The following AP1AR variants were observed in gnomAD, a reference collection of about 807,000 sequenced individuals.
AP1AR encodes AP-1 complex-associated regulatory protein.
AP1AR carries 29 observed loss-of-function variants against 46.3 expected under a neutral mutation model. The ratio of observed to expected loss-of-function variants is 0.63; its 90% CI spans 0.47 to 0.85. AP1AR has a LOEUF of 0.85. Ranked by LOEUF, AP1AR falls within the 40% of genes least tolerant of loss-of-function variation. The probability of loss-of-function intolerance (pLI) is 0.00; values close to 1 mark genes in which losing one functional copy is unlikely to be tolerated. For synonymous variants in AP1AR, 122 were observed against 122.9 expected, an observed-to-expected ratio of 0.99 and a Z score of 0.05; for missense variants, 357 against 356.3, an observed-to-expected ratio of 1.00 and a Z score of -0.02.
rs1291358098 is a variant in AP1AR, at chr4:112,271,135, A to T, written c.*2726A>T. 6.6e-6 allele frequency among the ~76,000 whole-genome samples: 1 copy of T among 152,210 alleles called. No individual in the cohort carries two copies. The highest frequency in any genetic ancestry group is 1.5e-5 in the Non-Finnish European group (1 of 68,032). On this transcript the variant is annotated 3_prime_UTR_variant, in exon 10 of 10. Transcript: ENST00000274000. Reference sequence around the variant, plus strand: ...GTGCCGTGGCTACCTTGCTCACTGCACATAGTCCACGTAGGCAAAACTCAA... The same window carrying T: ...GTGCCGTGGCTACCTTGCTCACTGCTCATAGTCCACGTAGGCAAAACTCAA...
At chr4:112,242,704 CACT>C (rs1725558931) in intron 1 of AP1AR, among the ~76,000 whole-genome samples, 1 of 152,170 alleles carries the variant, frequency 6.6e-6, no homozygotes, top group African/African-American at 2.4e-5. Context: ...AGGGATCCAC[CACT>C]GTTACCTAAA....
At chr4:112,246,612 G>A (rs1375081970) in intron 1 of AP1AR, among the ~76,000 whole-genome samples, 4 of 152,200 alleles carry the variant, frequency 2.6e-5, no homozygotes, top group Admixed American at 2.0e-4. Flanking sequence ...GAAAACCAAG[G>A]TAAATTTAAT....
At chr4:112,253,185 A>G (rs1726034864) in intron 1 of AP1AR, 23 bp from the exon 2 acceptor site, 2 of 1,593,352 alleles carry the variant, frequency 1.3e-6, no homozygotes, top group South Asian at 1.1e-5. Context: ...TGTTTTTTAA[A>G]GTTATTCTGT....
chr4:112,256,791 GAAAAC>G (rs898987883), intron 3 of AP1AR, among the ~76,000 whole-genome samples: 1 of 152,106 alleles, frequency 6.6e-6, no homozygotes, highest in African/African-American at 2.4e-5. Flanking sequence ...CCTTGTGAAA[GAAAAC>G]AAAAAGTTGA....
At chr4:112,263,323 C>G (rs1453716275) in intron 6 of AP1AR, among the ~76,000 whole-genome samples, 1 of 152,142 alleles carries the variant, frequency 6.6e-6, no homozygotes, top group African/African-American at 2.4e-5. Context: ...TTAGCAAATG[C>G]TGATTCCTGT....
intron 1 of AP1AR, among the ~76,000 whole-genome samples, chr4:112,236,489 C>T (rs1416503381): frequency 1.3e-5 from 2 of 151,774 alleles, no homozygotes; most frequent in Non-Finnish European, 2.9e-5. Flanking sequence ...CAACCTCCAC[C>T]GCCTGAGTTC....
intron 4 of AP1AR, among the ~76,000 whole-genome samples, chr4:112,259,449 G>T (rs1330523695): frequency 2.6e-5 from 4 of 152,184 alleles, no homozygotes; most frequent in African/African-American, 4.8e-5. Flanking sequence ...ACCTTAGAGG[G>T]TTGTTGTGAG....
chr4:112,261,915 G>A (rs1726460184), intron 5 of AP1AR, among the ~76,000 whole-genome samples: 1 of 151,446 alleles, frequency 6.6e-6, no homozygotes, highest in South Asian at 2.1e-4. Context: ...ACTATGGGAG[G>A]TCGAAGGGGA....
At chr4:112,233,812 G>A (rs1172181825) in intron 1 of AP1AR, among the ~76,000 whole-genome samples, 34 of 152,218 alleles carry the variant, frequency 2.2e-4, no homozygotes, top group Admixed American at 2.2e-3. Flanking sequence ...CAGCGTGAGT[G>A]TTAATTGTCT....
intron 3 of AP1AR, 28 bp from the exon 4 acceptor site, chr4:112,257,744 T>C: frequency 7.1e-7 from 1 of 1,402,562 alleles, no homozygotes; most frequent in Admixed American, 2.8e-5. Flanking sequence ...ATGAATTTGT[T>C]TTAATTGTTT....
At position 112,232,021 on chromosome 4, in the gene AP1AR, C is replaced by T; in HGVS notation, c.-71C>T. ...CATTTCGGCTCGTGCCGTGCGGATG[C>T]AGCTGCCGGGCCTGGGTTTGGGCAT... is the stretch of plus-strand genomic sequence containing the variant. On this transcript the variant is annotated 5_prime_UTR_variant, in exon 1 of 10. It introduces an in-frame stop codon into an upstream open reading frame of the 5' UTR. Transcript: ENST00000274000. 1 of 1,281,162 alleles carries T rather than the reference C, an allele frequency of 7.8e-7. No homozygotes were observed. Among genetic ancestry groups the T allele is most frequent in the South Asian group, 2.2e-5 (1 of 44,754 alleles). 79.4% of individuals were successfully genotyped at this position (1,281,162 alleles called of 1,614,324 possible).
intron 7 of AP1AR, 60 bp from the exon 8 acceptor site, chr4:112,265,674 A>G (rs1402964487): frequency 2.4e-6 from 3 of 1,255,644 alleles, no homozygotes; most frequent in Admixed American, 3.9e-5. Context: ...ATTAGCTTAT[A>G]TATTTGTCAT....
intron 2 of AP1AR, among the ~76,000 whole-genome samples, chr4:112,253,882 A>G (rs1317829133): frequency 2.0e-5 from 3 of 152,218 alleles, no homozygotes; most frequent in Non-Finnish European, 4.4e-5. Flanking sequence ...CAAAGCTGGA[A>G]CACTGTACTT....
At chr4:112,242,642 A>G (rs978022093) in intron 1 of AP1AR, among the ~76,000 whole-genome samples, 1 of 152,140 alleles carries the variant, frequency 6.6e-6, no homozygotes. Context: ...ACCTGCTTTC[A>G]TGGGAACTCA....
chr4:112,232,772 A>AT (rs1216971592), intron 1 of AP1AR, among the ~76,000 whole-genome samples: 8 of 152,214 alleles, frequency 5.3e-5, no homozygotes, highest in African/African-American at 1.7e-4. Flanking sequence ...ACAATGTGTA[A>AT]TTTTTTCGTA....
At chr4:112,267,563 C>G (rs187881424) in intron 9 of AP1AR, among the ~76,000 whole-genome samples, 1 of 151,974 alleles carries the variant, frequency 6.6e-6, no homozygotes, top group African/African-American at 2.4e-5. Flanking sequence ...TCTTGCTTCA[C>G]CACTTTTTAG....
intron 1 of AP1AR, among the ~76,000 whole-genome samples, chr4:112,245,885 C>T (rs1019399854): frequency 5.3e-5 from 8 of 152,058 alleles, no homozygotes; most frequent in African/African-American, 1.9e-4. Flanking sequence ...TCTAAACTAA[C>T]AGTAATTGAG....
intron 1 of AP1AR, among the ~76,000 whole-genome samples, chr4:112,238,578 A>G (rs1044284419): frequency 6.6e-6 from 1 of 152,178 alleles, no homozygotes; most frequent in Admixed American, 6.5e-5. Context: ...ATTTCAGAAG[A>G]TAGGAAGGAA....
chr4:112,233,288 CA>C (rs1213077850), intron 1 of AP1AR, among the ~76,000 whole-genome samples: 1 of 152,120 alleles, frequency 6.6e-6, no homozygotes, highest in Non-Finnish European at 1.5e-5. Context: ...CTCTCTGATA[CA>C]AAATAGCTAA....
Sources: allele counts gnomAD v4.1 joint callset (sites outside exome capture counted in the v4.1 genomes callset), GRCh38; gene constraint gnomAD v4.1.1; transcripts MANE v1.5; gene names NCBI Gene and HGNC (gene_info 2026-07-23, HGNC 2026-07-21).